NYX: variants seen among roughly 807,000 people sequenced by gnomAD.
The protein encoded by NYX is leucine-rich repeat protein.
For synonymous variants in NYX, 258 were observed against 245.7 expected, an observed-to-expected ratio of 1.05 and a Z score of -0.47; for missense variants, 481 against 485.4, an observed-to-expected ratio of 0.99 and a Z score of 0.09.
At chrX:41,472,383 G>C (rs2064364692) in intron 2 of NYX, 1 of 1,158,043 alleles carries the variant, frequency 8.6e-7, no homozygotes, top group South Asian at 1.8e-5. Context: ...GCTCCAAAGT[G>C]GGTGGCCACA....
chrX:41,470,075 A>T (rs886081416), intron 2 of NYX, among the ~76,000 whole-genome samples: 1 of 109,160 alleles, frequency 9.2e-6, no homozygotes, highest in African/African-American at 3.3e-5. Flanking sequence ...GATTTTATTT[A>T]GTATGCTGTC....
At chrX:41,461,807 T>C (rs781246318) in intron 2 of NYX, among the ~76,000 whole-genome samples, 6 of 111,439 alleles carry the variant, frequency 5.4e-5, no homozygotes, top group Non-Finnish European at 1.1e-4. Context: ...TTTTTCTTTT[T>C]TCTTTTTTTC....
chrX:41,467,639 C>T (rs774275549), intron 2 of NYX, among the ~76,000 whole-genome samples: 1 of 110,730 alleles, frequency 9.0e-6, no homozygotes, highest in African/African-American at 3.3e-5. Context: ...CAGTCATGAG[C>T]CACCGCGCCT....
chrX:41,466,561 AT>A (rs60913904), intron 2 of NYX, among the ~76,000 whole-genome samples: 70 of 98,376 alleles, frequency 7.1e-4, no homozygotes, highest in African/African-American at 9.6e-4. Context: ...CTTTAAAACA[AT>A]TTTTTTTTTT....
chrX:41,460,936 T>A (rs2064317079), intron 2 of NYX, among the ~76,000 whole-genome samples: 1 of 94,666 alleles, frequency 1.1e-5, no homozygotes, highest in African/African-American at 3.8e-5. Context: ...AGCAGAATTA[T>A]CTATCACGTG....
chrX:41,456,189 T>C (rs768381207), intron 2 of NYX, among the ~76,000 whole-genome samples: 1 of 110,518 alleles, frequency 9.0e-6, no homozygotes, highest in South Asian at 3.8e-4. Context: ...ATACAAAAAT[T>C]AGTTGGGCGT....
intron 2 of NYX, among the ~76,000 whole-genome samples, chrX:41,470,904 T>A (rs913253618): frequency 4.3e-4 from 47 of 109,896 alleles, no homozygotes; most frequent in Non-Finnish European, 5.7e-5. Context: ...CCCCAGGGCC[T>A]GCAGACAACA....
At position 41,447,518 on chromosome X, in the gene NYX, T is replaced by C. The variant is rs1232820396; in HGVS notation, c.-57+2T>C. ...AGGACCAGGGAGACTCCCAGGACGG[T>C]AAGCAACATTTGAGGACCATTCACT... On this transcript the variant is annotated splice_donor_variant, in intron 1 of 2. Transcript: ENST00000378220. LOFTEE classifies it low-confidence loss of function (5UTR_SPLICE). 1 of 232,429 alleles carries C rather than the reference T, an allele frequency of 4.3e-6. No homozygotes were observed. Among genetic ancestry groups the C allele is most frequent in the Non-Finnish European group, 7.9e-6 (1 of 127,281 alleles). 19.2% of individuals were successfully genotyped at this position (232,429 alleles called of 1,213,427 possible). A position where few individuals can be genotyped will look rare whatever the true frequency, so the allele number is the denominator to read the frequency against.
intron 2 of NYX, among the ~76,000 whole-genome samples, chrX:41,450,416 C>T (rs753740243): frequency 2.3e-4 from 25 of 107,460 alleles, no homozygotes; most frequent in Non-Finnish European, 4.2e-4. Context: ...AGCTGGGATG[C>T]GCCACCACCA....
At chrX:41,460,012 G>T (rs2064312461) in intron 2 of NYX, among the ~76,000 whole-genome samples, 1 of 110,358 alleles carries the variant, frequency 9.1e-6, no homozygotes, top group African/African-American at 3.3e-5. Context: ...CTATGTGAAA[G>T]AATCTAGTTG....
At position 41,475,093 on chromosome X, in the gene NYX, G is replaced by A; in HGVS notation, c.*194G>A. On this transcript the variant is annotated 3_prime_UTR_variant, in exon 3 of 3. Transcript: ENST00000378220. ...GAGGATGGTATGGATTTCTGCTTTT[G>A]TCACACGGGCATCCATTGGAAAAGA... The A allele has an allele frequency of 2.2e-6, 1 of 458,260 alleles. No homozygotes were observed. The highest frequency in any genetic ancestry group is 3.2e-5 in the South Asian group (1 of 31,320). 37.8% of individuals were successfully genotyped at this position (458,260 alleles called of 1,213,427 possible). A position where few individuals can be genotyped will look rare whatever the true frequency, so the allele number is the denominator to read the frequency against.
chrX:41,461,838 G>A (rs773087764), intron 2 of NYX, among the ~76,000 whole-genome samples: 86 of 111,268 alleles, frequency 7.7e-4, no homozygotes, highest in Non-Finnish European at 1.3e-3. Context: ...GTCTCACTCT[G>A]TCGTCCAGGC....
intron 2 of NYX, among the ~76,000 whole-genome samples, chrX:41,467,091 A>G (rs1207750364): frequency 9.1e-6 from 1 of 110,357 alleles, no homozygotes; most frequent in Non-Finnish European, 1.9e-5. Context: ...GGTGTGAGCC[A>G]CCACGCCCAG....
chrX:41,472,734 G>C (rs2064366855), intron 2 of NYX: 2 of 302,698 alleles, frequency 6.6e-6, no homozygotes, highest in Non-Finnish European at 1.2e-5. Flanking sequence ...CAGGCCCCGA[G>C]CCGCGGAGCC....
At chrX:41,472,390 C>G (rs1753767499) in intron 2 of NYX, 5 of 1,158,886 alleles carry the variant, frequency 4.3e-6, no homozygotes, top group Admixed American at 4.4e-5. Context: ...AGTGGGTGGC[C>G]ACACGCACAC....
At chrX:41,457,114 A>G (rs1422706852) in intron 2 of NYX, among the ~76,000 whole-genome samples, 5 of 110,708 alleles carry the variant, frequency 4.5e-5, no homozygotes, top group Admixed American at 9.6e-5. Context: ...TCACACCAGC[A>G]TGGGCAACAT....
In NYX at chrX:41,452,036, C is replaced by G. The variant is rs960065705; in HGVS notation, c.22+4110C>G. Among the ~76,000 whole-genome samples the G allele has an allele frequency of 2.7e-5, 3 of 110,622 alleles. No individual in the cohort carries two copies. The Admixed American group carries it at 2.9e-4, about 11-fold the overall frequency. On this transcript the variant is annotated intron_variant, in intron 2 of 2. Coordinates refer to ENST00000378220, the MANE Select transcript of NYX (RefSeq NM_001378477.3). ...TTGCCCAGGCTGGAGTGTAGTGGTG[C>G]GATTATGGCTCACTGCAGCCTCAAC...
chrX:41,470,184 T>A (rs975195054), intron 2 of NYX, among the ~76,000 whole-genome samples: 11 of 109,685 alleles, frequency 1.0e-4, no homozygotes, highest in African/African-American at 3.6e-4. Flanking sequence ...TCCCTCCTCC[T>A]TGAGGCATAA....
rs1323894352 is a variant in NYX, at chrX:41,447,873, C to T, written c.-32C>T. ...GGTAGGGGTCCCACGGCTGGGTGGTCCTAAGCCACTGGGTGGATGAAAGGC... is the reference window on the plus strand; with the variant it reads ...GGTAGGGGTCCCACGGCTGGGTGGTTCTAAGCCACTGGGTGGATGAAAGGC... On this transcript the variant is annotated 5_prime_UTR_variant, in exon 2 of 3. Coordinates refer to ENST00000378220, the MANE Select transcript of NYX (RefSeq NM_001378477.3). 3 of 1,208,349 alleles carry T rather than the reference C, an allele frequency of 2.5e-6. No homozygotes were observed. The highest frequency in any genetic ancestry group is 4.4e-5 in the Admixed American group (2 of 45,613).
Sources: gnomAD v4.1 joint callset for allele counts (sites outside exome capture counted in the v4.1 genomes callset) on GRCh38, gnomAD v4.1.1 for gene constraint, MANE v1.5 for transcripts, NCBI Gene and HGNC (gene_info 2026-07-23, HGNC 2026-07-21) for gene names.